Variants in NGEF observed in about 807,000 individuals in gnomAD.
NGEF encodes ephexin-1.
NGEF carries 31 observed loss-of-function variants against 80.9 expected under a neutral mutation model. That is an observed-to-expected ratio of 0.38 (90% CI 0.29 to 0.52). The LOEUF (loss-of-function observed/expected upper bound fraction) is 0.52, where lower values mean the gene tolerates loss of function less well. NGEF is among the 20% of genes least tolerant of loss of function. NGEF has a pLI of 0.84. For synonymous variants in NGEF, 371 were observed against 370.2 expected, an observed-to-expected ratio of 1.00 and a Z score of -0.03; for missense variants, 709 against 926.2, an observed-to-expected ratio of 0.77 and a Z score of 3.04.
chr2:232,906,344 T>TG (rs566006631), intron 5 of NGEF, among the ~76,000 whole-genome samples: 1 of 68,534 alleles, frequency 1.5e-5, no homozygotes, highest in Non-Finnish European at 2.9e-5. Context: ...GGGAGGGAGG[T>TG]GGGGGGGGTC....
At chr2:232,977,880 A>G (rs1184971570) in intron 1 of NGEF, among the ~76,000 whole-genome samples, 3 of 152,070 alleles carry the variant, frequency 2.0e-5, no homozygotes, top group African/African-American at 7.2e-5. Flanking sequence ...CAGGTCAGTG[A>G]CTTGTGGTGG....
At chr2:232,934,963 G>A (rs1055723988) in intron 3 of NGEF, among the ~76,000 whole-genome samples, 1 of 150,650 alleles carries the variant, frequency 6.6e-6, no homozygotes, top group Non-Finnish European at 1.5e-5. Flanking sequence ...TGCCAAGATC[G>A]CACTACTGCA....
intron 1 of NGEF, among the ~76,000 whole-genome samples, chr2:233,007,736 A>G (rs1390910702): frequency 6.6e-6 from 1 of 152,156 alleles, no homozygotes; most frequent in African/African-American, 2.4e-5. Context: ...CCTGAGCTCC[A>G]TTTCTTACCC....
intron 10 of NGEF, 36 bp downstream of exon 10, chr2:232,885,244 C>T (rs1019683615): frequency 1.9e-6 from 3 of 1,597,468 alleles, no homozygotes; most frequent in African/African-American, 2.7e-5. Context: ...GGGGCCTGTG[C>T]ATGGGCACAG....
At chr2:232,930,058 T>G (rs572290535) in intron 3 of NGEF, among the ~76,000 whole-genome samples, 1 of 152,184 alleles carries the variant, frequency 6.6e-6, no homozygotes, top group Non-Finnish European at 1.5e-5. Flanking sequence ...TGTGAGTCCA[T>G]TAAATCTCTT....
At chr2:232,968,042 C>A (rs1694100951) in intron 3 of NGEF, among the ~76,000 whole-genome samples, 1 of 151,286 alleles carries the variant, frequency 6.6e-6, no homozygotes, top group South Asian at 2.1e-4. Context: ...TCCACTGTCC[C>A]CTTCTTCCTC....
chr2:232,927,009 C>A, intron 4 of NGEF, 35 bp downstream of exon 4: 1 of 1,613,896 alleles, frequency 6.2e-7, no homozygotes, highest in Non-Finnish European at 8.5e-7. Flanking sequence ...ACCCGCGTTT[C>A]CCAAATAAAA....
At chr2:232,894,610 T>C (rs1691995160) in intron 6 of NGEF, 146 bp downstream of exon 6, 3 of 902,932 alleles carry the variant, frequency 3.3e-6, no homozygotes, top group Non-Finnish European at 1.5e-6. Context: ...GATTTAGTTC[T>C]TCATTTATTT....
intron 3 of NGEF, among the ~76,000 whole-genome samples, chr2:232,954,681 C>T (rs751077776): frequency 7.3e-5 from 11 of 150,594 alleles, no homozygotes; most frequent in Middle Eastern, 3.4e-3. Context: ...GCCGAGATCA[C>T]GCCACTGCAC....
chr2:233,002,370 A>G (rs1357356171), intron 1 of NGEF, among the ~76,000 whole-genome samples: 1 of 152,168 alleles, frequency 6.6e-6, no homozygotes, highest in Non-Finnish European at 1.5e-5. Flanking sequence ...CAGGCAGTAC[A>G]TGGACATGTT....
At chr2:232,945,263 A>G (rs1002179997) in intron 3 of NGEF, among the ~76,000 whole-genome samples, 11 of 152,050 alleles carry the variant, frequency 7.2e-5, no homozygotes, top group Admixed American at 6.5e-4. Flanking sequence ...ACTGAGGTCT[A>G]TTCTAGGACT....
At chr2:233,007,826 G>C in intron 1 of NGEF, among the ~76,000 whole-genome samples, 1 of 152,192 alleles carries the variant, frequency 6.6e-6, no homozygotes. Context: ...CCAGAAATCT[G>C]TAGAAAGTTG....
At chr2:232,893,179 G>A (rs556658592) in intron 6 of NGEF, 129 bp from the exon 7 acceptor site, 272 of 871,978 alleles carry the variant, frequency 3.1e-4, no homozygotes, top group Non-Finnish European at 4.1e-4. Context: ...CGTACAGGCC[G>A]ACAAGATCCA....
rs555978162 is a variant in NGEF at position 232,944,967 on chromosome 2, G to T, written c.384-17781C>A. ...GGGTTTCACCATTTTGGCCAGGCTG[G>T]TCCAGAACTCCTGACCTCAGGTGAT... On this transcript the variant is annotated intron_variant, in intron 3 of 14. Coordinates refer to ENST00000264051, the MANE Select transcript of NGEF (RefSeq NM_019850.3). Among the ~76,000 whole-genome samples the T allele has an allele frequency of 4.6e-5, 7 of 151,804 alleles. No homozygotes were observed. In the South Asian group the frequency reaches 1.5e-3, roughly 32 times the overall value.
intron 1 of NGEF, among the ~76,000 whole-genome samples, chr2:233,003,159 G>C (rs956186086): frequency 1.3e-5 from 2 of 152,144 alleles, no homozygotes; most frequent in African/African-American, 4.8e-5. Flanking sequence ...AAACCCTCCC[G>C]GGAGGTGGCG....
At chr2:232,999,254 GT>G (rs1298717031) in intron 1 of NGEF, among the ~76,000 whole-genome samples, 2 of 152,136 alleles carry the variant, frequency 1.3e-5, no homozygotes, top group East Asian at 3.9e-4. Flanking sequence ...TTTTAAAATA[GT>G]TTTTACTTTT....
chr2:232,880,779 G>GGTCAGGTCAGGGTCAGGTCTGA (rs2106207677), intron 14 of NGEF, among the ~76,000 whole-genome samples: 1 of 152,236 alleles, frequency 6.6e-6, no homozygotes, highest in East Asian at 1.9e-4. Context: ...TACAGGTCTG[G>GGTCAGGTCAGGGTCAGGTCTGA]GTCAGGTCAG....
At chr2:232,922,688 C>T (rs1358201897) in intron 4 of NGEF, among the ~76,000 whole-genome samples, 2 of 152,228 alleles carry the variant, frequency 1.3e-5, no homozygotes, top group Non-Finnish European at 2.9e-5. Flanking sequence ...CCAAGTTTCA[C>T]AGGTTGACTT....
chr2:232,969,448 CCCTTCCTT>C (rs78124787), intron 3 of NGEF, among the ~76,000 whole-genome samples: 3 of 51,348 alleles, frequency 5.8e-5, no homozygotes, highest in Non-Finnish European at 9.9e-5. Context: ...TCCCTCCCTC[CCCTTCCTT>C]CCTTCCTTCC....
Sources: allele counts gnomAD v4.1 joint callset (sites outside exome capture counted in the v4.1 genomes callset), GRCh38; gene constraint gnomAD v4.1.1; transcripts MANE v1.5; gene names NCBI Gene and HGNC (gene_info 2026-07-23, HGNC 2026-07-21).